Variants in CCSER2 observed in about 807,000 individuals in gnomAD.
CCSER2 encodes the protein coiled-coil serine rich protein 2.
CCSER2 carries 46 observed loss-of-function variants against 92.3 expected under a neutral mutation model. The ratio of observed to expected loss-of-function variants is 0.50; its 90% CI spans 0.39 to 0.64. CCSER2 has a LOEUF of 0.64. Among genes scored for constraint, CCSER2 ranks in the 30% least tolerant of loss-of-function variants. The pLI is 0.00. For missense variants in CCSER2, 1,244 were observed against 1,238.9 expected (o/e 1.00, Z -0.06); for synonymous variants, 433 against 431.4 (o/e 1.00, Z -0.04).
intron 1 of CCSER2, among the ~76,000 whole-genome samples, chr10:84,355,384 G>A (rs1029497076): frequency 1.3e-5 from 2 of 152,148 alleles, no homozygotes; most frequent in African/African-American, 4.8e-5. Flanking sequence ...CTCTTAGGCT[G>A]TATTGTTTTT....
intron 3 of CCSER2, among the ~76,000 whole-genome samples, chr10:84,413,578 GGAGT>G (rs1842757168): frequency 6.6e-6 from 1 of 152,114 alleles, no homozygotes; most frequent in South Asian, 2.1e-4. Context: ...GATCAATTTT[GGAGT>G]AAGTGCCCTG....
chr10:84,465,492 T>G (rs1411084525), intron 7 of CCSER2, among the ~76,000 whole-genome samples: 1 of 151,538 alleles, frequency 6.6e-6, no homozygotes, highest in Non-Finnish European at 1.5e-5. Flanking sequence ...GCTCGGCTAA[T>G]TTTTTATATT....
chr10:84,415,975 T>A (rs1464788352), intron 3 of CCSER2, among the ~76,000 whole-genome samples: 2 of 152,184 alleles, frequency 1.3e-5, no homozygotes, highest in East Asian at 3.9e-4. Flanking sequence ...TCTGCCTTGC[T>A]GGTAATCCCG....
At chr10:84,408,421 T>C (rs1842477018) in intron 3 of CCSER2, among the ~76,000 whole-genome samples, 1 of 152,144 alleles carries the variant, frequency 6.6e-6, no homozygotes, top group Non-Finnish European at 1.5e-5. Context: ...TTCCTCTCTC[T>C]CCCTCCATTT....
chr10:84,424,421 C>T (rs1483643249), intron 4 of CCSER2, among the ~76,000 whole-genome samples: 4 of 152,024 alleles, frequency 2.6e-5, no homozygotes, highest in Non-Finnish European at 5.9e-5. Context: ...CTCAAGGTGA[C>T]TATAATGAAT....
intron 7 of CCSER2, among the ~76,000 whole-genome samples, chr10:84,465,556 C>T (rs1406509817): frequency 6.6e-6 from 1 of 151,628 alleles, no homozygotes; most frequent in African/African-American, 2.4e-5. Flanking sequence ...GAACTCCTGA[C>T]CTCAGGTAAT....
At chr10:84,479,441 G>A (rs1181882904) in intron 9 of CCSER2, among the ~76,000 whole-genome samples, 1 of 152,148 alleles carries the variant, frequency 6.6e-6, no homozygotes, top group Non-Finnish European at 1.5e-5. Context: ...ATTGAGATTT[G>A]TCCAAGGGGA....
chr10:84,464,279 G>A (rs1057349732), intron 7 of CCSER2, among the ~76,000 whole-genome samples: 2 of 152,046 alleles, frequency 1.3e-5, no homozygotes, highest in Admixed American at 6.6e-5. Context: ...TAAATGATAA[G>A]AGTTTTTAAA....
intron 3 of CCSER2, among the ~76,000 whole-genome samples, chr10:84,388,084 C>G (rs528349172): frequency 1.3e-5 from 2 of 152,080 alleles, no homozygotes; most frequent in Non-Finnish European, 2.9e-5. Context: ...AGGCTGGTCT[C>G]GAACTCCTGA....
At chr10:84,357,493 T>A (rs1359511246) in intron 1 of CCSER2, among the ~76,000 whole-genome samples, 2 of 148,928 alleles carry the variant, frequency 1.3e-5, no homozygotes, top group Non-Finnish European at 3.0e-5. Flanking sequence ...TCTGTCACCC[T>A]GGCTGGAATG....
intron 9 of CCSER2, among the ~76,000 whole-genome samples, chr10:84,486,107 T>C (rs527342005): frequency 6.1e-4 from 93 of 152,316 alleles, no homozygotes; most frequent in African/African-American, 1.9e-3. Flanking sequence ...TATTCCATGG[T>C]GTATATGTGC....
intron 3 of CCSER2, among the ~76,000 whole-genome samples, chr10:84,402,457 A>G (rs1429161408): frequency 5.3e-5 from 8 of 152,236 alleles, no homozygotes; most frequent in Non-Finnish European, 8.8e-5. Flanking sequence ...CAATGAAACA[A>G]AACAAAAACC....
At chr10:84,431,806 G>A (rs967060696) in intron 5 of CCSER2, among the ~76,000 whole-genome samples, 2 of 152,146 alleles carry the variant, frequency 1.3e-5, no homozygotes, top group Admixed American at 6.5e-5. Context: ...TTTACTTACT[G>A]AAAAACATCT....
intron 9 of CCSER2, among the ~76,000 whole-genome samples, chr10:84,479,680 T>TC (rs1324571364): frequency 1.3e-5 from 2 of 152,210 alleles, no homozygotes; most frequent in Non-Finnish European, 2.9e-5. Flanking sequence ...GTTCCATCCC[T>TC]CAAGATGCTT....
At chr10:84,432,628 A>T (rs955278251) in intron 5 of CCSER2, among the ~76,000 whole-genome samples, 7 of 152,198 alleles carry the variant, frequency 4.6e-5, no homozygotes, top group African/African-American at 1.7e-4. Flanking sequence ...TTAGATACCA[A>T]TCCTTTATCA....
intron 5 of CCSER2, among the ~76,000 whole-genome samples, chr10:84,428,306 G>C (rs999862764): frequency 6.6e-6 from 1 of 152,278 alleles, no homozygotes; most frequent in African/African-American, 2.4e-5. Context: ...CTCATAAGGG[G>C]TGTTCAACCT....
chr10:84,380,525 C>CGT (rs960659422), intron 3 of CCSER2, among the ~76,000 whole-genome samples: 2 of 151,392 alleles, frequency 1.3e-5, no homozygotes, highest in Non-Finnish European at 2.9e-5. Context: ...TCATATATGG[C>CGT]GTGTGTGTGT....
chr10:84,474,183 G>A (rs1846990356), intron 8 of CCSER2, among the ~76,000 whole-genome samples: 1 of 152,162 alleles, frequency 6.6e-6, no homozygotes, highest in Non-Finnish European at 1.5e-5. Flanking sequence ...GAAATTGCTA[G>A]TGTAGAATTT....
chr10:84,454,906 A>G (rs1845512872), intron 6 of CCSER2: 1 of 152,468 alleles, frequency 6.6e-6, no homozygotes, highest in Admixed American at 6.6e-5. Flanking sequence ...AGCTCCCATA[A>G]TCCCTACGTG....
Sources: gnomAD v4.1 joint callset for allele counts (sites outside exome capture counted in the v4.1 genomes callset) on GRCh38, gnomAD v4.1.1 for gene constraint, MANE v1.5 for transcripts, NCBI Gene and HGNC (gene_info 2026-07-23, HGNC 2026-07-21) for gene names.